NCKAP5: variants seen among roughly 807,000 people sequenced by gnomAD.
NCKAP5 encodes the protein NCK associated protein 5.
NCKAP5 carries 92 observed loss-of-function variants against 167.0 expected under a neutral mutation model. The ratio of observed to expected loss-of-function variants is 0.55; its 90% CI spans 0.47 to 0.66. The LOEUF (loss-of-function observed/expected upper bound fraction) is 0.66. Among genes scored for constraint, NCKAP5 ranks in the 30% least tolerant of loss-of-function variants. The probability of loss-of-function intolerance (pLI) is 0.00; values close to 1 mark genes in which losing one functional copy is unlikely to be tolerated. For missense variants in NCKAP5, 2,378 were observed against 2,315.0 expected, an observed-to-expected ratio of 1.03 and a Z score of -0.56; for synonymous variants, 891 against 877.4, an observed-to-expected ratio of 1.02 and a Z score of -0.27.
Position 133,547,026 on chromosome 2 carries a change from G to C in NCKAP5, c.-62+12024C>G, listed in dbSNP as rs558376574. On this transcript the variant is annotated intron_variant, in intron 2 of 19. Transcript: ENST00000409261. ...GCGCAGGCCAGTGGGTGCGCGCACC[G>C]TGCGCGAGCTGAAGCAGGGCGAGGC... Among the ~76,000 whole-genome samples, 19 of 152,260 alleles carry C rather than the reference G, an allele frequency of 1.2e-4. No individual in the cohort carries two copies. The South Asian group carries it at 2.3e-3, about 18-fold the overall frequency.
chr2:133,151,598 A>T (rs541943516), intron 5 of NCKAP5, among the ~76,000 whole-genome samples: 2 of 152,330 alleles, frequency 1.3e-5, no homozygotes, highest in South Asian at 2.1e-4. Context: ...ACAATGGCCA[A>T]AATCCAAAAC....
the NCKAP5 span, among the ~76,000 whole-genome samples, chr2:133,599,158 A>G: frequency 6.6e-6 from 1 of 152,256 alleles, no homozygotes; most frequent in Non-Finnish European, 1.5e-5. Context: ...AAATAAGTTC[A>G]CAGCTACTGA....
chr2:133,178,971 G>C (rs1456605075), intron 5 of NCKAP5, among the ~76,000 whole-genome samples: 4 of 151,878 alleles, frequency 2.6e-5, no homozygotes, highest in Non-Finnish European at 4.4e-5. Flanking sequence ...TTCAAAACCA[G>C]CCTGCGTAAC....
chr2:133,601,301 A>C, the NCKAP5 span, among the ~76,000 whole-genome samples: 1 of 152,336 alleles, frequency 6.6e-6, no homozygotes, highest in South Asian at 2.1e-4. Flanking sequence ...GTGTTTATTC[A>C]ACTACCATTA....
chr2:133,474,156 A>ATC (rs1559511829), intron 3 of NCKAP5, among the ~76,000 whole-genome samples: 1 of 65,806 alleles, frequency 1.5e-5, no homozygotes, highest in South Asian at 4.3e-4. Flanking sequence ...ATCTATCTAT[A>ATC]CACACACACA....
intron 5 of NCKAP5, among the ~76,000 whole-genome samples, chr2:133,202,722 G>C (rs183651269): frequency 9.5e-4 from 144 of 152,244 alleles, no homozygotes; most frequent in African/African-American, 3.3e-3. Context: ...ATCAAAAAGT[G>C]AGCAAAGGAG....
chr2:133,486,942 G>A (rs1279366442), intron 3 of NCKAP5, among the ~76,000 whole-genome samples: 1 of 152,086 alleles, frequency 6.6e-6, no homozygotes, highest in East Asian at 1.9e-4. Flanking sequence ...AACAAGCCCT[G>A]AAAGAAACAA....
intron 4 of NCKAP5, among the ~76,000 whole-genome samples, chr2:133,232,472 C>T (rs984306646): frequency 6.6e-6 from 1 of 152,008 alleles, no homozygotes; most frequent in African/African-American, 2.4e-5. Context: ...TTTAAAAGGT[C>T]AAAGGGAAAA....
At chr2:132,700,417 G>C (rs960364690) in intron 19 of NCKAP5, among the ~76,000 whole-genome samples, 1 of 152,124 alleles carries the variant, frequency 6.6e-6, no homozygotes, top group Non-Finnish European at 1.5e-5. Flanking sequence ...TGTCCTGCAT[G>C]GTATTGCCTA....
chr2:132,995,862 T>C (rs1476180418), intron 6 of NCKAP5, among the ~76,000 whole-genome samples: 3 of 151,626 alleles, frequency 2.0e-5, no homozygotes, highest in Non-Finnish European at 2.9e-5. Flanking sequence ...GTAATCCAGC[T>C]ACTCCGGAGG....
chr2:133,674,515 G>A, the NCKAP5 span, among the ~76,000 whole-genome samples: 2 of 149,674 alleles, frequency 1.3e-5, no homozygotes, highest in African/African-American at 2.4e-5. Flanking sequence ...TACATAGTGA[G>A]TGTGATCCCT....
At chr2:132,880,940 T>C (rs570082490) in intron 8 of NCKAP5, among the ~76,000 whole-genome samples, 80 of 152,318 alleles carry the variant, frequency 5.3e-4, no homozygotes, top group Non-Finnish European at 1.0e-3. Flanking sequence ...TGTTTCCTCA[T>C]AACAAAGTCA....
At chr2:132,698,230 A>G (rs996989270) in intron 19 of NCKAP5, among the ~76,000 whole-genome samples, 3 of 152,152 alleles carry the variant, frequency 2.0e-5, no homozygotes, top group African/African-American at 7.2e-5. Context: ...TCATGCACAG[A>G]CACCTGCTCA....
intron 19 of NCKAP5, among the ~76,000 whole-genome samples, chr2:132,703,924 A>G (rs1374224305): frequency 2.0e-5 from 3 of 152,172 alleles, no homozygotes; most frequent in Admixed American, 6.6e-5. Flanking sequence ...CCTTATTTGT[A>G]CATCTAAGTT....
chr2:132,697,085 G>A (rs1338989050), intron 19 of NCKAP5, among the ~76,000 whole-genome samples: 14 of 152,096 alleles, frequency 9.2e-5, no homozygotes, highest in Admixed American at 9.2e-4. Context: ...AAGAGGTTTT[G>A]CCACATTCCC....
At chr2:133,116,461 C>T (rs2082085776) in intron 6 of NCKAP5, among the ~76,000 whole-genome samples, 1 of 69,004 alleles carries the variant, frequency 1.4e-5, no homozygotes. Context: ...GCACTCCAGC[C>T]TGGGCGACAG....
At chr2:132,955,525 T>C (rs2076313929) in intron 8 of NCKAP5, among the ~76,000 whole-genome samples, 1 of 152,218 alleles carries the variant, frequency 6.6e-6, no homozygotes, top group African/African-American at 2.4e-5. Context: ...CTATGGTGTA[T>C]ATGTGCCACA....
intron 11 of NCKAP5, among the ~76,000 whole-genome samples, chr2:132,828,056 T>C (rs1687256776): frequency 6.6e-6 from 1 of 152,172 alleles, no homozygotes; most frequent in South Asian, 2.1e-4. Context: ...AGAGAGAGAT[T>C]ATTTCCTTAT....
At chr2:133,481,614 GTGT>G (rs1173238211) in intron 3 of NCKAP5, among the ~76,000 whole-genome samples, 2 of 152,120 alleles carry the variant, frequency 1.3e-5, no homozygotes, top group Non-Finnish European at 2.9e-5. Context: ...GCCCCAGTGT[GTGT>G]TGTTCCCCTC....
Sources: gnomAD v4.1 joint callset for allele counts (sites outside exome capture counted in the v4.1 genomes callset) on GRCh38, gnomAD v4.1.1 for gene constraint, MANE v1.5 for transcripts, NCBI Gene and HGNC (gene_info 2026-07-23, HGNC 2026-07-21) for gene names.